Variants in PIGK observed in about 807,000 individuals in gnomAD.
PIGK encodes phosphatidylinositol glycan anchor biosynthesis class K.
In PIGK, 42 loss-of-function variants were observed where a neutral mutation model predicts 50.6. The observed-to-expected ratio is 0.83, with a 90% CI of 0.65 to 1.07. The LOEUF (loss-of-function observed/expected upper bound fraction) is 1.07. PIGK is among the 50% of genes least tolerant of loss of function. PIGK has a pLI of 0.00. For synonymous variants in PIGK, 151 were observed against 156.0 expected (o/e 0.97, Z 0.24); for missense variants, 448 against 488.7 (o/e 0.92, Z 0.78).
chr1:77,136,027 T>A (rs1218909192), intron 9 of PIGK, among the ~76,000 whole-genome samples: 1 of 152,214 alleles, frequency 6.6e-6, no homozygotes, highest in Non-Finnish European at 1.5e-5. Context: ...TCTGGTTCAT[T>A]TCCCTTTTTC....
chr1:77,189,732 TATATATATATATATATACACACACAC>T (rs1216931657), intron 3 of PIGK, among the ~76,000 whole-genome samples: 16 of 32,632 alleles, frequency 4.9e-4, no homozygotes, highest in African/African-American at 2.2e-3. Flanking sequence ...TATATATATA[TATATATATATATATATACACACACAC>T]ACACACACAC....
At position 77,216,499 on chromosome 1, in the gene PIGK, G is replaced by A. The variant is rs192216924; in HGVS notation, c.93+2811C>T. ...GGATAAAATACCCTTAATTTAGCAAGGCAATAACATAGTATTTCACATTAA... is the reference window on the plus strand; with the variant it reads ...GGATAAAATACCCTTAATTTAGCAAAGCAATAACATAGTATTTCACATTAA... On this transcript the variant is annotated intron_variant, in intron 1 of 10. Transcript: ENST00000370812. Among the ~76,000 whole-genome samples, 178 of 152,186 alleles carry A rather than the reference G, an allele frequency of 1.2e-3. 1 individual carries two copies. Among genetic ancestry groups the A allele is most frequent in the African/African-American group, 4.1e-3 (172 of 41,530 alleles).
intron 10 of PIGK, among the ~76,000 whole-genome samples, chr1:77,110,745 C>A (rs924755219): frequency 9.9e-5 from 15 of 152,068 alleles, no homozygotes; most frequent in Non-Finnish European, 2.2e-4. Flanking sequence ...GCAACAAAAG[C>A]AAAAATTGAC....
intron 3 of PIGK, among the ~76,000 whole-genome samples, chr1:77,174,358 C>T: frequency 6.6e-6 from 1 of 152,098 alleles, no homozygotes; most frequent in Non-Finnish European, 1.5e-5. Flanking sequence ...AGAGGAGGCA[C>T]CACACACCGT....
intron 9 of PIGK, among the ~76,000 whole-genome samples, chr1:77,145,109 G>A (rs1654737987): frequency 6.6e-6 from 1 of 151,906 alleles, no homozygotes; most frequent in South Asian, 2.1e-4. Flanking sequence ...AGCGAATCAT[G>A]TGATCATAGT....
Position 77,204,681 on chromosome 1 carries a change from G to A in PIGK, c.239+1959C>T, listed in dbSNP as rs188975920. ...TTTCCCTTTATTTCTCAGACCGGCC[G>A]ACACTTAGGAAAAATAGAAAAGAAC... On this transcript the variant is annotated intron_variant, in intron 3 of 10. Transcript: ENST00000370812. Among the ~76,000 whole-genome samples the A allele has an allele frequency of 9.2e-5, 14 of 152,058 alleles. No individual in the cohort carries two copies. The East Asian group carries it at 1.4e-3, about 15-fold the overall frequency.
intron 10 of PIGK, among the ~76,000 whole-genome samples, chr1:77,119,838 G>A (rs34052737): frequency 0.2 from 30,837 of 151,946 alleles, 3,534 homozygotes; most frequent in East Asian, 0.36. Flanking sequence ...GGGAAAAGAG[G>A]TGGTCCTGGC....
chr1:77,128,759 C>A (rs1007873296), intron 9 of PIGK, among the ~76,000 whole-genome samples: 2 of 152,148 alleles, frequency 1.3e-5, no homozygotes, highest in African/African-American at 4.8e-5. Flanking sequence ...TATTTATATA[C>A]ACATGAAATA....
intron 9 of PIGK, among the ~76,000 whole-genome samples, chr1:77,146,236 C>T (rs1279164405): frequency 2.0e-5 from 3 of 152,070 alleles, no homozygotes; most frequent in African/African-American, 7.2e-5. Flanking sequence ...AACTATAAAA[C>T]TTCTAGAAGA....
intron 1 of PIGK, among the ~76,000 whole-genome samples, chr1:77,214,249 T>C (rs546672129): frequency 1.3e-5 from 2 of 152,044 alleles, no homozygotes; most frequent in Non-Finnish European, 2.9e-5. Context: ...TACAGGCCAA[T>C]ACCCGTGATG....
Position 77,118,941 on chromosome 1 carries a change from C to T in PIGK, c.1071+3334G>A, listed in dbSNP as rs184555944. Among the ~76,000 whole-genome samples the T allele has an allele frequency of 6.6e-5, 10 of 152,256 alleles. No individual in the cohort carries two copies. In the East Asian group the frequency reaches 1.5e-3, roughly 24 times the overall value. ...CTGTGAGAGACAGAACCACCCTACA[C>T]ATCAAAAGTTATTACGCATATAAAT... On this transcript the variant is annotated intron_variant, in intron 10 of 10. Coordinates refer to ENST00000370812, the MANE Select transcript of PIGK (RefSeq NM_005482.3).
chr1:77,171,591 A>G (rs1655364423), intron 3 of PIGK, among the ~76,000 whole-genome samples: 1 of 152,056 alleles, frequency 6.6e-6, no homozygotes, highest in Admixed American at 6.6e-5. Flanking sequence ...TAAAATCATA[A>G]ATGTAATCAA....
intron 10 of PIGK, among the ~76,000 whole-genome samples, chr1:77,107,744 A>C: frequency 6.6e-6 from 1 of 152,114 alleles, no homozygotes; most frequent in South Asian, 2.1e-4. Context: ...GTAGGTCTCT[A>C]ACGACTTGCT....
chr1:77,179,316 G>A (rs1178795098), intron 3 of PIGK, among the ~76,000 whole-genome samples: 4 of 152,186 alleles, frequency 2.6e-5, no homozygotes, highest in East Asian at 3.8e-4. Flanking sequence ...TAACCAAAAG[G>A]GGGGAATTGG....
chr1:77,206,696 A>C lies in PIGK; in HGVS notation c.183T>G (p.His61Gln), dbSNP rs201652469. 1 of 1,612,280 alleles carries C rather than the reference A, an allele frequency of 6.2e-7. No individual in the cohort carries two copies. The highest frequency in any genetic ancestry group is 2.2e-5 in the East Asian group (1 of 44,848). Residue 61 changes from histidine to glutamine, a missense_variant, in exon 3 of 11, where the codon CAT becomes CAG. Coordinates refer to ENST00000370812, the MANE Select transcript of PIGK (RefSeq NM_005482.3). ...CTSRFWFNYR[H>Q]VANTLSVYRS... ...TATAAACAGAAAGGGTATTTGCAAC[A>C]TGTCGATAATTAAACCAGAATCGGG...
In PIGK at chr1:77,206,671, T is replaced by C; in HGVS notation, c.208A>G (p.Arg70Gly). ...RHVANTLSVY[R>G]SVKRLGIPDS... ...GGAATACCTAGCCTCTTGACACTTCTATAAACAGAAAGGGTATTTGCAACA... is the reference window on the plus strand; with the variant it reads ...GGAATACCTAGCCTCTTGACACTTCCATAAACAGAAAGGGTATTTGCAACA... Residue 70 changes from arginine to glycine, a missense_variant, in exon 3 of 11, where the codon AGA (arginine) becomes GGA (glycine). By Grantham distance (125) the Arg-to-Gly change is moderately radical. Coordinates refer to ENST00000370812, the MANE Select transcript of PIGK (RefSeq NM_005482.3). 6.2e-7 allele frequency: 1 copy of C among 1,611,140 alleles called. No homozygotes were observed. The highest frequency in any genetic ancestry group is 8.5e-7 in the Non-Finnish European group (1 of 1,177,450).
Position 77,219,391 on chromosome 1 carries a change from G to A in PIGK, c.12C>T (p.Thr4=), listed in dbSNP as rs1188365688. 1 of 1,613,282 alleles carries A rather than the reference G, an allele frequency of 6.2e-7. No individual in the cohort carries two copies. The highest frequency in any genetic ancestry group is 8.5e-7 in the Non-Finnish European group (1 of 1,179,566). ...CAGTCGCAGCCCGGCTGAGGCTGTCGGTGACGGCCATGTTTACCGGCTTCA... is the reference window on the plus strand; with the variant it reads ...CAGTCGCAGCCCGGCTGAGGCTGTCAGTGACGGCCATGTTTACCGGCTTCA... MAV[T]DSLSRAATVL... is the part of the protein sequence containing the mutation. Residue 4 remains threonine (T), a synonymous_variant, in exon 1 of 11, where the codon ACC becomes ACT. Coordinates refer to ENST00000370812, the MANE Select transcript of PIGK (RefSeq NM_005482.3).
At chr1:77,197,882 T>C (rs1448943719) in intron 3 of PIGK, among the ~76,000 whole-genome samples, 4 of 152,224 alleles carry the variant, frequency 2.6e-5, no homozygotes, top group Non-Finnish European at 2.9e-5. Context: ...AACAAAGTTA[T>C]TTAACAAAGC....
Position 77,090,586 on chromosome 1 carries a change from A to C in PIGK, c.*1788T>G, listed in dbSNP as rs1441203803. ...TAGCAGTCTTTACAGGGTATGTTTC[A>C]TTATATTCAAACTAAATTACTTTGG... On this transcript the variant is annotated 3_prime_UTR_variant, in exon 11 of 11. Coordinates refer to ENST00000370812, the MANE Select transcript of PIGK (RefSeq NM_005482.3). 1 of 152,216 alleles carries C rather than the reference A, an allele frequency of 6.6e-6. No individual in the cohort carries two copies. The highest frequency in any genetic ancestry group is 1.5e-5 in the Non-Finnish European group (1 of 68,036). The allele number at this position is 152,216 out of a possible 1,614,324, so 9.4% of individuals were successfully genotyped here.
Sources: gnomAD v4.1 joint callset for allele counts (sites outside exome capture counted in the v4.1 genomes callset) on GRCh38, gnomAD v4.1.1 for gene constraint, MANE v1.5 for transcripts, NCBI Gene and HGNC (gene_info 2026-07-23, HGNC 2026-07-21) for gene names.